SETD3: variants seen among roughly 807,000 people sequenced by gnomAD.
SETD3 encodes SET domain containing 3, actin N3(tau)-histidine methyltransferase.
In SETD3, 19 loss-of-function variants were observed where a neutral mutation model predicts 63.0. That is an observed-to-expected ratio of 0.30 (90% confidence interval 0.21 to 0.44). The LOEUF is 0.44. Ranked by LOEUF, SETD3 falls within the 20% of genes least tolerant of loss-of-function variation. The pLI, the probability that SETD3 is intolerant of heterozygous loss-of-function variation, is 1.00. For synonymous variants in SETD3, 286 were observed against 264.1 expected (o/e 1.08, Z -0.80); for missense variants, 587 against 728.5 (o/e 0.81, Z 2.24).
chr14:99,419,984 C>G lies in SETD3; in HGVS notation c.676-6050G>C, dbSNP rs528952423. 2.3e-4 allele frequency among the ~76,000 whole-genome samples: 35 copies of G among 152,306 alleles called. No individual in the cohort carries two copies. The South Asian group carries it at 7.1e-3, about 31-fold the overall frequency. ...CAACACATACTTCATTTCCTGAGCACCTCCGAAGTGGAAGGCACTGTACAT... is the reference window on the plus strand; with the variant it reads ...CAACACATACTTCATTTCCTGAGCAGCTCCGAAGTGGAAGGCACTGTACAT... On this transcript the variant is annotated intron_variant, in intron 6 of 12. Transcript: ENST00000331768.
chr14:99,453,828 G>GA (rs879747561), intron 6 of SETD3, among the ~76,000 whole-genome samples: 44 of 143,080 alleles, frequency 3.1e-4, no homozygotes, highest in African/African-American at 3.3e-4. Context: ...TCCACCTCAA[G>GA]AAAAAAAAAA....
At chr14:99,482,520 C>G (rs770440536), upstream of SETD3, among the ~76,000 whole-genome samples, 54 of 152,314 alleles carry the variant, frequency 3.5e-4, no homozygotes, top group Non-Finnish European at 6.3e-4. Flanking sequence ...GTTAAATAAT[C>G]TTGACTATGA....
chr14:99,440,938 GAA>G (rs1186069880), intron 6 of SETD3, among the ~76,000 whole-genome samples: 2 of 152,184 alleles, frequency 1.3e-5, no homozygotes, highest in African/African-American at 4.8e-5. Context: ...TCCTCCCTGT[GAA>G]TTTCACTTCT....
intron 6 of SETD3, among the ~76,000 whole-genome samples, chr14:99,442,779 T>C (rs747328654): frequency 6.6e-5 from 10 of 152,196 alleles, no homozygotes; most frequent in Non-Finnish European, 1.3e-4. Flanking sequence ...TTTGGGGAGT[T>C]AGAAGTTATA....
intron 6 of SETD3, among the ~76,000 whole-genome samples, chr14:99,425,082 CA>C: frequency 6.6e-6 from 1 of 152,164 alleles, no homozygotes; most frequent in Non-Finnish European, 1.5e-5. Flanking sequence ...TAAATCACAG[CA>C]AACCAGTTTC....
At chr14:99,475,777 T>C (rs983429770) in intron 1 of SETD3, among the ~76,000 whole-genome samples, 1 of 152,238 alleles carries the variant, frequency 6.6e-6, no homozygotes, top group East Asian at 1.9e-4. Context: ...CTAGCTTTTC[T>C]ATGAGCCCAG....
At chr14:99,429,748 G>C (rs892832579) in intron 6 of SETD3, among the ~76,000 whole-genome samples, 3 of 152,190 alleles carry the variant, frequency 2.0e-5, no homozygotes, top group African/African-American at 4.8e-5. Flanking sequence ...TCAACACCAG[G>C]AGTCTTGAAC....
rs571439127 is a variant in SETD3 at position 99,462,046 on chromosome 14, G to C, written c.197-706C>G. ...AAGATGAACACCCTGCAAGGAGGGA[G>C]GGAATGGAAGGGGATGAAAATGTGA... On this transcript the variant is annotated intron_variant, in intron 3 of 12. Transcript: ENST00000331768. Among the ~76,000 whole-genome samples the C allele has an allele frequency of 2.0e-5, 3 of 152,300 alleles. No homozygotes were observed. In the East Asian group the frequency reaches 5.8e-4, roughly 29 times the overall value.
At chr14:99,479,114 T>C (rs541637953) in intron 1 of SETD3, among the ~76,000 whole-genome samples, 2 of 152,344 alleles carry the variant, frequency 1.3e-5, no homozygotes, top group South Asian at 2.1e-4. Context: ...ACTGAGATGT[T>C]AGCACACTGG....
At position 99,398,995 on chromosome 14, in the gene SETD3, C is replaced by T. The variant is rs759954735; in HGVS notation, c.1469G>A (p.Arg490His). ...KSAAVNREYY[R>H]QQMEEKAPLP... ...CGGAGCCTTTTCCTCCATCTGTTGGCGATAGTATTCCCGGTTGACAGCTGC... is the reference window on the plus strand; with the variant it reads ...CGGAGCCTTTTCCTCCATCTGTTGGTGATAGTATTCCCGGTTGACAGCTGC... Residue 490 changes from arginine (R) to histidine (H), a missense_variant, in exon 13 of 13, where the codon CGC (arginine) becomes CAC (histidine). Physicochemically the swap from Arg to His is conservative, Grantham distance 29. Transcript: ENST00000331768. 34 of 1,614,058 alleles carry T rather than the reference C, an allele frequency of 2.1e-5. 1 individual carries two copies. In the Admixed American group the frequency reaches 4.2e-4, roughly 20 times the overall value.
Position 99,405,384 on chromosome 14 carries a change from A to C in SETD3, c.925-13T>G. 6.2e-7 allele frequency: 1 copy of C among 1,608,496 alleles called. No homozygotes were observed. Among genetic ancestry groups the C allele is most frequent in the Non-Finnish European group, 8.5e-7 (1 of 1,177,786 alleles). Reference sequence around the variant, plus strand: ...AAAAAATGTAAATCTGAGATGCAGTAAAGAAAAAAGAAAAGGGCATTAGAC... The same window carrying C: ...AAAAAATGTAAATCTGAGATGCAGTCAAGAAAAAAGAAAAGGGCATTAGAC... On this transcript the variant is annotated splice_polypyrimidine_tract_variant and intron_variant, in intron 9 of 12. Transcript: ENST00000331768.
chr14:99,452,974 G>A (rs1894547753), intron 6 of SETD3, among the ~76,000 whole-genome samples: 2 of 152,200 alleles, frequency 1.3e-5, no homozygotes, highest in South Asian at 2.1e-4. Flanking sequence ...GGAGCACCCT[G>A]CCAAATGATC....
At chr14:99,481,301 C>A, upstream of SETD3, 2 of 395,616 alleles carry the variant, frequency 5.1e-6, no homozygotes, top group Non-Finnish European at 8.9e-6. Context: ...GCTCGTTCCT[C>A]TTTTGAGAGC....
intron 4 of SETD3, among the ~76,000 whole-genome samples, chr14:99,459,704 G>C (rs1894964679): frequency 1.3e-5 from 2 of 152,312 alleles, no homozygotes; most frequent in East Asian, 1.9e-4. Context: ...AGACACATTG[G>C]TTTAGAAATT....
chr14:99,400,875 C>T (rs1891353309), intron 11 of SETD3, among the ~76,000 whole-genome samples: 1 of 152,226 alleles, frequency 6.6e-6, no homozygotes, highest in South Asian at 2.1e-4. Flanking sequence ...CGCAGTGGCT[C>T]ACGCCTGTAA....
chr14:99,402,399 T>G (rs1480021160), intron 11 of SETD3, among the ~76,000 whole-genome samples: 1 of 152,224 alleles, frequency 6.6e-6, no homozygotes, highest in Admixed American at 6.5e-5. Flanking sequence ...TTACTTATCC[T>G]CTTTGGGTTT....
Position 99,397,854 on chromosome 14 carries a change from ACAC to A in SETD3, c.*822_*824del, listed in dbSNP as rs1392105062. On this transcript the variant is annotated 3_prime_UTR_variant, in exon 13 of 13. Transcript: ENST00000331768. ...AAGCCAAGGAGCTGCCTCACACTGC[ACAC>A]CACCACGTGAAGCTGTGGGCCGCTG... The A allele has an allele frequency of 6.6e-6, 1 of 152,590 alleles. No homozygotes were observed. Among genetic ancestry groups the A allele is most frequent in the Non-Finnish European group, 1.5e-5 (1 of 68,048 alleles). 9.5% of individuals were successfully genotyped at this position (152,590 alleles called of 1,614,324 possible).
intron 3 of SETD3, among the ~76,000 whole-genome samples, chr14:99,461,927 C>T (rs921439513): frequency 3.3e-5 from 5 of 152,222 alleles, no homozygotes; most frequent in Admixed American, 1.3e-4. Context: ...TAAAAAATCA[C>T]GTAATATGAC....
intron 6 of SETD3, among the ~76,000 whole-genome samples, chr14:99,442,116 G>A (rs974536815): frequency 7.2e-5 from 11 of 152,288 alleles, no homozygotes; most frequent in African/African-American, 2.4e-4. Context: ...TGAGCACACC[G>A]GCTCCGCATC....
Sources: gnomAD v4.1 joint callset for allele counts (sites outside exome capture counted in the v4.1 genomes callset) on GRCh38, gnomAD v4.1.1 for gene constraint, MANE v1.5 for transcripts, NCBI Gene and HGNC (gene_info 2026-07-23, HGNC 2026-07-21) for gene names.